The following DCDC2 variants were observed in gnomAD, a reference collection of about 807,000 sequenced individuals.
The protein encoded by DCDC2 is doublecortin domain containing 2, also known as doublecortin domain-containing protein 2.
Under a neutral mutation model 50.2 loss-of-function variants are expected in DCDC2, and 40 were observed. The ratio of observed to expected loss-of-function variants is 0.80; its 90% CI spans 0.62 to 1.04. The LOEUF (loss-of-function observed/expected upper bound fraction) is 1.04. DCDC2 is among the 50% of genes least tolerant of loss of function. The pLI is 0.00. For synonymous variants in DCDC2, 234 were observed against 210.6 expected, an observed-to-expected ratio of 1.11 and a Z score of -0.96; for missense variants, 570 against 581.9, an observed-to-expected ratio of 0.98 and a Z score of 0.21.
intron 2 of DCDC2, among the ~76,000 whole-genome samples, chr6:24,342,752 T>C (rs994173131): frequency 6.6e-6 from 1 of 152,112 alleles, no homozygotes; most frequent in Non-Finnish European, 1.5e-5. Flanking sequence ...TCACACAATA[T>C]CTTAATGTTT....
At chr6:24,269,314 G>T (rs904670558) in intron 7 of DCDC2, among the ~76,000 whole-genome samples, 1 of 152,080 alleles carries the variant, frequency 6.6e-6, no homozygotes, top group East Asian at 1.9e-4. Context: ...TTAATACAGA[G>T]GTCTAAGAAA....
chr6:24,258,402 C>G (rs542826122), intron 7 of DCDC2, among the ~76,000 whole-genome samples: 2 of 152,052 alleles, frequency 1.3e-5, no homozygotes, highest in African/African-American at 2.4e-5. Context: ...GATTGGTGCA[C>G]TTTTACAGAG....
the DCDC2 span, among the ~76,000 whole-genome samples, chr6:24,369,133 CAAAAA>C: frequency 1.1e-5 from 1 of 92,808 alleles, no homozygotes. Context: ...GACTCTGTCT[CAAAAA>C]AAAAAAAAAA....
intron 7 of DCDC2, among the ~76,000 whole-genome samples, chr6:24,274,389 C>T (rs1451028075): frequency 6.6e-6 from 1 of 152,098 alleles, no homozygotes; most frequent in Non-Finnish European, 1.5e-5. Context: ...GGCACTGCAA[C>T]TCAAGTGGAA....
intron 2 of DCDC2, among the ~76,000 whole-genome samples, chr6:24,342,412 ATACGGAC>A (rs1760174998): frequency 6.6e-6 from 1 of 152,236 alleles, no homozygotes; most frequent in Non-Finnish European, 1.5e-5. Flanking sequence ...GGAGGTGTCA[ATACGGAC>A]TGCTGCCAGT....
intron 6 of DCDC2, among the ~76,000 whole-genome samples, chr6:24,282,990 C>T (rs1192353775): frequency 6.7e-6 from 1 of 149,716 alleles, no homozygotes; most frequent in African/African-American, 2.5e-5. Flanking sequence ...TTTGTCAAAA[C>T]CGTAGAAATC....
At chr6:24,197,903 T>C (rs1761482183) in intron 8 of DCDC2, among the ~76,000 whole-genome samples, 3 of 152,210 alleles carry the variant, frequency 2.0e-5, no homozygotes, top group Admixed American at 2.0e-4. Context: ...CCACTTAGAA[T>C]TGTAAGGAAG....
chr6:24,335,278 G>A (rs1054370560), intron 2 of DCDC2, among the ~76,000 whole-genome samples: 1 of 152,186 alleles, frequency 6.6e-6, no homozygotes, highest in Non-Finnish European at 1.5e-5. Flanking sequence ...TGTGCCCTGT[G>A]AGAAGTGAGA....
chr6:24,261,458 TG>T (rs1763007699), intron 7 of DCDC2, among the ~76,000 whole-genome samples: 1 of 151,982 alleles, frequency 6.6e-6, no homozygotes, highest in Non-Finnish European at 1.5e-5. Flanking sequence ...AGCCTGAGTA[TG>T]GGATGGGCTG....
Position 24,301,969 on chromosome 6 carries a change from A to T in DCDC2, c.424T>A (p.Phe142Ile). The T allele has an allele frequency of 1.9e-6, 3 of 1,613,846 alleles. No individual in the cohort carries two copies. Among genetic ancestry groups the T allele is most frequent in the Non-Finnish European group, 2.5e-6 (3 of 1,179,910 alleles). Residue 142 changes from phenylalanine (F) to isoleucine (I), a missense_variant and splice_region_variant, in exon 3 of 10, where the codon TTC becomes ATC. By Grantham distance (21) the Phe-to-Ile change is conservative. Transcript: ENST00000378454. ...RKPLQEPCTI[F>I]LIANGDLINP... Reference sequence around the variant, plus strand: ...GAAGTATAAAGGGTTTCAACTTACAAGATAGTGCACGGCTCCTGAAGCGGT... The same window carrying T: ...GAAGTATAAAGGGTTTCAACTTACATGATAGTGCACGGCTCCTGAAGCGGT...
intron 7 of DCDC2, among the ~76,000 whole-genome samples, chr6:24,221,810 G>A (rs72830803): frequency 0.092 from 14,032 of 152,238 alleles, 811 homozygotes; most frequent in East Asian, 0.17. Flanking sequence ...TAAGGCCCAA[G>A]TTTCTCCCTC....
the DCDC2 span, among the ~76,000 whole-genome samples, chr6:24,374,853 T>C: frequency 6.6e-6 from 1 of 152,202 alleles, no homozygotes; most frequent in Middle Eastern, 3.4e-3. Context: ...AACACACAGA[T>C]CGCTCAGCCC....
At chr6:24,311,515 C>A (rs757565478) in intron 2 of DCDC2, among the ~76,000 whole-genome samples, 25 of 152,176 alleles carry the variant, frequency 1.6e-4, no homozygotes, top group Non-Finnish European at 2.9e-4. Flanking sequence ...CAAATACTTT[C>A]CATATGTTAC....
At chr6:24,212,678 C>T (rs1269686805) in intron 7 of DCDC2, among the ~76,000 whole-genome samples, 3 of 152,212 alleles carry the variant, frequency 2.0e-5, no homozygotes, top group African/African-American at 4.8e-5. Context: ...ATGCACACTA[C>T]ACCCAAATTC....
the DCDC2 span, among the ~76,000 whole-genome samples, chr6:24,381,682 T>C: frequency 1.3e-5 from 2 of 152,004 alleles, no homozygotes; most frequent in Non-Finnish European, 2.9e-5. Context: ...CCATGGCTCA[T>C]GCCTGTAATT....
the DCDC2 span, among the ~76,000 whole-genome samples, chr6:24,367,781 T>C: frequency 6.6e-6 from 1 of 151,806 alleles, no homozygotes; most frequent in Non-Finnish European, 1.5e-5. Flanking sequence ...CTAAAACTTA[T>C]AAGAAAACAA....
intron 7 of DCDC2, among the ~76,000 whole-genome samples, chr6:24,238,722 A>G (rs78371019): frequency 1.3e-5 from 2 of 152,194 alleles, no homozygotes; most frequent in African/African-American, 4.8e-5. Flanking sequence ...ATGAGCATCA[A>G]TATCTGTCTT....
chr6:24,284,502 C>G (rs372441484), intron 6 of DCDC2, among the ~76,000 whole-genome samples: 2 of 151,342 alleles, frequency 1.3e-5, no homozygotes, highest in East Asian at 1.9e-4. Context: ...ATCCCAGCTA[C>G]TCGGGAGGCT....
the DCDC2 span, among the ~76,000 whole-genome samples, chr6:24,382,728 C>T: frequency 6.6e-6 from 1 of 152,170 alleles, no homozygotes; most frequent in African/African-American, 2.4e-5. Flanking sequence ...CTTAATTCTA[C>T]ACAACCTCAG....
Sources: gnomAD v4.1 joint callset for allele counts (sites outside exome capture counted in the v4.1 genomes callset) on GRCh38, gnomAD v4.1.1 for gene constraint, MANE v1.5 for transcripts, NCBI Gene and HGNC (gene_info 2026-07-23, HGNC 2026-07-21) for gene names.